Variants in ROBO1 observed in about 807,000 individuals in gnomAD.
ROBO1 encodes the protein roundabout homolog 1.
In ROBO1, 149 loss-of-function variants were observed where a neutral mutation model predicts 195.9. The ratio of observed to expected loss-of-function variants is 0.76; its 90% CI spans 0.67 to 0.87. The LOEUF is 0.87. ROBO1 is among the 40% of genes least tolerant of loss of function. The probability of loss-of-function intolerance (pLI) is 0.00; values close to 1 mark genes in which losing one functional copy is unlikely to be tolerated. For synonymous variants in ROBO1, 816 were observed against 733.2 expected (o/e 1.11, Z -1.82); for missense variants, 1,933 against 2,068.3 (o/e 0.93, Z 1.27).
chr3:78,721,992 A>C (rs2082055929), intron 5 of ROBO1, among the ~76,000 whole-genome samples: 1 of 152,118 alleles, frequency 6.6e-6, no homozygotes, highest in African/African-American at 2.4e-5. Flanking sequence ...TTTCAAGATG[A>C]ATGGGAGGAA....
intron 4 of ROBO1, among the ~76,000 whole-genome samples, chr3:78,826,018 A>G (rs568203734): frequency 6.6e-6 from 1 of 152,318 alleles, no homozygotes; most frequent in East Asian, 1.9e-4. Flanking sequence ...CTGAATCAGC[A>G]TACTCATATC....
At chr3:79,558,571 C>CT in intron 2 of ROBO1, among the ~76,000 whole-genome samples, 1 of 152,182 alleles carries the variant, frequency 6.6e-6, no homozygotes, top group Admixed American at 6.5e-5. Flanking sequence ...GGTCAGCACT[C>CT]TTTTTTCCTC....
intron 3 of ROBO1, among the ~76,000 whole-genome samples, chr3:79,034,308 CAT>C (rs974678373): frequency 3.0e-4 from 46 of 152,130 alleles, no homozygotes; most frequent in African/African-American, 1.1e-3. Context: ...GACTCAGGAA[CAT>C]AGAAAAATGA....
At chr3:79,506,504 G>A (rs977144124) in intron 2 of ROBO1, among the ~76,000 whole-genome samples, 2 of 152,036 alleles carry the variant, frequency 1.3e-5, no homozygotes, top group African/African-American at 4.8e-5. Flanking sequence ...TGCCAGGCTG[G>A]AAGGATCTCG....
intron 2 of ROBO1, among the ~76,000 whole-genome samples, chr3:79,472,280 T>C (rs569694049): frequency 1.3e-5 from 2 of 152,054 alleles, no homozygotes; most frequent in Non-Finnish European, 2.9e-5. Context: ...CTTCCTAGTG[T>C]TTAGGATTAG....
chr3:78,607,105 G>T, intron 28 of ROBO1, 64 bp from the exon 29 acceptor site: 2 of 1,448,368 alleles, frequency 1.4e-6, no homozygotes, highest in Non-Finnish European at 1.9e-6. Flanking sequence ...TCAAACATTT[G>T]GATTATCATT....
intron 2 of ROBO1, among the ~76,000 whole-genome samples, chr3:79,484,556 G>T (rs576336636): frequency 1.3e-4 from 19 of 151,582 alleles, no homozygotes; most frequent in Non-Finnish European, 2.2e-4. Context: ...TTAATAATTG[G>T]CTGAGATTTA....
At chr3:79,349,481 T>C (rs967049120) in intron 2 of ROBO1, among the ~76,000 whole-genome samples, 1 of 152,122 alleles carries the variant, frequency 6.6e-6, no homozygotes, top group Non-Finnish European at 1.5e-5. Context: ...GATAAATAGA[T>C]GATAGATAGA....
chr3:78,916,789 G>A (rs2038625520), intron 4 of ROBO1, among the ~76,000 whole-genome samples: 1 of 151,950 alleles, frequency 6.6e-6, no homozygotes, highest in African/African-American at 2.4e-5. Context: ...AGTTCACGTG[G>A]GTAAGGGTCT....
intron 2 of ROBO1, among the ~76,000 whole-genome samples, chr3:79,489,898 A>C (rs1014363508): frequency 6.6e-6 from 1 of 152,118 alleles, no homozygotes; most frequent in Non-Finnish European, 1.5e-5. Flanking sequence ...ACATATGAAG[A>C]TTTCATATAA....
intron 4 of ROBO1, among the ~76,000 whole-genome samples, chr3:78,910,050 G>C (rs1022241612): frequency 1.3e-5 from 2 of 151,668 alleles, no homozygotes; most frequent in African/African-American, 4.8e-5. Context: ...ACATTAAGAA[G>C]ATGAATATGG....
chr3:79,635,573 GA>G (rs989027477), intron 1 of ROBO1, among the ~76,000 whole-genome samples: 3 of 152,084 alleles, frequency 2.0e-5, no homozygotes, highest in Non-Finnish European at 4.4e-5. Flanking sequence ...AATATTCTTT[GA>G]ATTTTATTTT....
At chr3:79,494,463 T>C (rs911624122) in intron 2 of ROBO1, among the ~76,000 whole-genome samples, 1 of 152,046 alleles carries the variant, frequency 6.6e-6, no homozygotes, top group African/African-American at 2.4e-5. Flanking sequence ...AAATACAATT[T>C]TTTAAAAGTA....
intron 4 of ROBO1, among the ~76,000 whole-genome samples, chr3:78,898,662 T>G (rs1443536590): frequency 6.6e-6 from 1 of 152,010 alleles, no homozygotes; most frequent in Non-Finnish European, 1.5e-5. Flanking sequence ...GTGCTGGGAT[T>G]ACAGGAGTGA....
At chr3:79,073,839 G>C (rs1013878627) in intron 3 of ROBO1, among the ~76,000 whole-genome samples, 8 of 151,102 alleles carry the variant, frequency 5.3e-5, no homozygotes, top group African/African-American at 1.9e-4. Flanking sequence ...TCCCTGGTTG[G>C]AACCTTGATT....
intron 18 of ROBO1, among the ~76,000 whole-genome samples, chr3:78,656,069 G>T (rs7610686): frequency 0.24 from 35,769 of 151,156 alleles, 4,319 homozygotes; most frequent in African/African-American, 0.26. Context: ...TGTACTTTAT[G>T]TTCATGCCAT....
chr3:78,690,168 GC>G (rs1250392362), intron 8 of ROBO1, among the ~76,000 whole-genome samples: 1 of 150,526 alleles, frequency 6.6e-6, no homozygotes, highest in Non-Finnish European at 1.5e-5. Flanking sequence ...CAAATATAAA[GC>G]CCCTTTAAAA....
chr3:79,597,495 C>T (rs745934743), intron 1 of ROBO1, among the ~76,000 whole-genome samples: 2 of 151,974 alleles, frequency 1.3e-5, no homozygotes, highest in Admixed American at 6.6e-5. Flanking sequence ...TTAAAACATT[C>T]TATTATTTTT....
At chr3:78,656,511 C>T (rs1707030719) in intron 18 of ROBO1, among the ~76,000 whole-genome samples, 1 of 151,938 alleles carries the variant, frequency 6.6e-6, no homozygotes, top group Admixed American at 6.6e-5. Context: ...CCACCACACC[C>T]AGCTAGTTTT....
Sources: allele counts gnomAD v4.1 joint callset (sites outside exome capture counted in the v4.1 genomes callset), GRCh38; gene constraint gnomAD v4.1.1; transcripts MANE v1.5; gene names NCBI Gene and HGNC (gene_info 2026-07-23, HGNC 2026-07-21).